The following TEAD4 variants were observed in gnomAD, a reference collection of about 807,000 sequenced individuals.
The protein encoded by TEAD4 is transcriptional enhancer factor TEF-3.
Under a neutral mutation model 52.4 loss-of-function variants are expected in TEAD4, and 36 were observed. The ratio of observed to expected loss-of-function variants is 0.69; its 90% CI spans 0.53 to 0.91. TEAD4 has a LOEUF of 0.91. Ranked by LOEUF, TEAD4 falls within the 40% of genes least tolerant of loss-of-function variation. The pLI is 0.00. For missense variants in TEAD4, 508 were observed against 583.9 expected, an observed-to-expected ratio of 0.87 and a Z score of 1.34; for synonymous variants, 220 against 231.0, an observed-to-expected ratio of 0.95 and a Z score of 0.43.
At chr12:3,018,723 G>A in intron 7 of TEAD4, 135 bp downstream of exon 7, 1 of 1,078,732 alleles carries the variant, frequency 9.3e-7, no homozygotes, top group Non-Finnish European at 1.4e-6. Context: ...ATGGCTCTGA[G>A]CTCAGGGATT....
intron 3 of TEAD4, among the ~76,000 whole-genome samples, chr12:3,008,403 G>T (rs1270951923): frequency 6.6e-6 from 1 of 152,176 alleles, no homozygotes; most frequent in Non-Finnish European, 1.5e-5. Flanking sequence ...AGATCAGAGA[G>T]GTGACTGAAC....
intron 3 of TEAD4, among the ~76,000 whole-genome samples, chr12:3,005,952 T>C (rs1321988677): frequency 1.3e-5 from 2 of 152,192 alleles, no homozygotes; most frequent in African/African-American, 4.8e-5. Context: ...AGGAATGTTT[T>C]TGGAGACCTA....
intron 2 of TEAD4, among the ~76,000 whole-genome samples, chr12:2,971,284 TG>T (rs2098224760): frequency 6.6e-6 from 1 of 151,410 alleles, no homozygotes; most frequent in African/African-American, 2.4e-5. Flanking sequence ...GCTTTGAGAG[TG>T]GGTGGGGTTC....
At position 3,000,771 on chromosome 12, in the gene TEAD4, G is replaced by A. The variant is rs1364496387; in HGVS notation, c.226+5779G>A. On this transcript the variant is annotated intron_variant, in intron 3 of 12. Coordinates refer to ENST00000359864, the MANE Select transcript of TEAD4 (RefSeq NM_003213.4). ...GATCTGGGCAAAGCACTGTTGGTTC[G>A]TCAGACTGTCAGAGGTGAAGGGATT... is the stretch of plus-strand genomic sequence containing the variant. 3.9e-5 allele frequency among the ~76,000 whole-genome samples: 6 copies of A among 152,310 alleles called. No individual in the cohort carries two copies. The East Asian group carries it at 5.8e-4, about 15-fold the overall frequency.
chr12:2,996,449 C>T (rs1293046619), intron 3 of TEAD4, among the ~76,000 whole-genome samples: 2 of 150,412 alleles, frequency 1.3e-5, no homozygotes, highest in African/African-American at 2.5e-5. Flanking sequence ...ACTCTTGTTG[C>T]CCAGGCTAGA....
intron 2 of TEAD4, among the ~76,000 whole-genome samples, chr12:2,972,648 C>T (rs750975391): frequency 1.7e-4 from 26 of 151,090 alleles, no homozygotes; most frequent in Non-Finnish European, 2.5e-4. Flanking sequence ...TACAGGCATG[C>T]GCCACCATAC....
chr12:3,027,496 C>G (rs535619184), intron 10 of TEAD4, among the ~76,000 whole-genome samples: 1 of 152,112 alleles, frequency 6.6e-6, no homozygotes, highest in East Asian at 1.9e-4. Context: ...TTTGGGAGGC[C>G]GAAGCAGACA....
intron 3 of TEAD4, among the ~76,000 whole-genome samples, chr12:3,002,370 G>C (rs1478134185): frequency 6.6e-6 from 1 of 152,142 alleles, no homozygotes; most frequent in Non-Finnish European, 1.5e-5. Context: ...AGTTCTTGTG[G>C]GATTGGAATT....
chr12:3,008,641 G>A (rs939255944), intron 3 of TEAD4, among the ~76,000 whole-genome samples: 4 of 152,120 alleles, frequency 2.6e-5, no homozygotes, highest in African/African-American at 9.7e-5. Context: ...GGTGCACAGT[G>A]GCTGTATGAA....
At chr12:2,976,958 C>G (rs1274768750) in intron 2 of TEAD4, among the ~76,000 whole-genome samples, 1 of 152,174 alleles carries the variant, frequency 6.6e-6, no homozygotes, top group Admixed American at 6.6e-5. Context: ...AATTTACCTC[C>G]CCTCTTGCTA....
At chr12:2,975,403 C>G (rs111688174) in intron 2 of TEAD4, among the ~76,000 whole-genome samples, 1 of 103,464 alleles carries the variant, frequency 9.7e-6, no homozygotes, top group African/African-American at 5.0e-5. Flanking sequence ...ATTATTATTA[C>G]TAGAGATGGA....
intron 10 of TEAD4, among the ~76,000 whole-genome samples, chr12:3,031,701 C>T (rs992636967): frequency 1.3e-5 from 2 of 152,078 alleles, no homozygotes; most frequent in Admixed American, 1.3e-4. Context: ...TCACACGTCT[C>T]ATCCTCACCA....
intron 9 of TEAD4, among the ~76,000 whole-genome samples, chr12:3,021,599 C>G (rs2098268745): frequency 6.6e-6 from 1 of 152,202 alleles, no homozygotes; most frequent in African/African-American, 2.4e-5. Flanking sequence ...GTGTGAGCCG[C>G]CGCACCCGGC....
At chr12:2,961,771 A>G (rs1275490979) in intron 2 of TEAD4, among the ~76,000 whole-genome samples, 4 of 152,156 alleles carry the variant, frequency 2.6e-5, no homozygotes, top group Non-Finnish European at 5.9e-5. Context: ...TTATTTCAGT[A>G]AGAACCCCTT....
rs538385819 is a variant in TEAD4, at chr12:3,040,463, G to A, written c.1290G>A (p.Arg430=). The stretch of plus-strand genomic sequence containing the variant: ...ACGGGGCTCAGCACCACATCTACAG[G>A]CTGGTGAAAGAATGAGAGACTCGGG... The change falls in exon 13 of 13, where the codon AGG becomes AGA. Residue 430 remains arginine, a synonymous_variant. Transcript: ENST00000359864. 22 of 1,614,130 alleles carry A rather than the reference G, an allele frequency of 1.4e-5. No individual in the cohort carries two copies. The African/African-American group carries it at 2.4e-4, about 18-fold the overall frequency.
chr12:2,994,857 C>G lies in TEAD4; in HGVS notation c.91C>G (p.Leu31Val). The change falls in exon 3 of 13, where the codon CTG becomes GTG. Residue 31 changes from leucine (L) to valine (V), a missense_variant. By Grantham distance (32) the Leu-to-Val change is conservative (BLOSUM62 1). Coordinates refer to ENST00000359864, the MANE Select transcript of TEAD4 (RefSeq NM_003213.4). This position sits in a 1 kb window ranked among gnomAD's most constrained non-coding sequence, Gnocchi z 4.7. The stretch of plus-strand genomic sequence containing the variant: ...CACCGCCTCTGGGGGCAGTCAGGCA[C>G]TGGACAAGCCCATCGACAATGACGC... 1 of 1,614,122 alleles carries G rather than the reference C, an allele frequency of 6.2e-7. No individual in the cohort carries two copies. The highest frequency in any genetic ancestry group is 2.2e-5 in the East Asian group (1 of 44,856).
intron 4 of TEAD4, 132 bp from the exon 5 acceptor site, chr12:3,012,038 A>T: frequency 1.2e-6 from 1 of 852,110 alleles, no homozygotes; most frequent in East Asian, 2.7e-5. Flanking sequence ...CCACCAGTTG[A>T]CCCTTTCATT....
chr12:3,021,784 G>T (rs1284439108), intron 9 of TEAD4, 60 bp from the exon 10 acceptor site: 3 of 1,572,954 alleles, frequency 1.9e-6, no homozygotes, highest in African/African-American at 2.7e-5. Flanking sequence ...GCAGAGCCAG[G>T]GTTGTCTGTC....
Position 2,994,864 on chromosome 12 carries a change from A to G in TEAD4, c.98A>G (p.Lys33Arg), listed in dbSNP as rs772283648. The change falls in exon 3 of 13, where the codon AAG (lysine) becomes AGG (arginine). Residue 33 changes from lysine to arginine, a missense_variant. Transcript: ENST00000359864. The surrounding 1 kb of genome is among the most constrained non-coding windows in gnomAD (Gnocchi z 4.7). ...TCTGGGGGCAGTCAGGCACTGGACA[A>G]GCCCATCGACAATGACGCAGAGGGC... 1.9e-6 allele frequency: 3 copies of G among 1,613,992 alleles called. No individual in the cohort carries two copies. The highest frequency in any genetic ancestry group is 2.5e-6 in the Non-Finnish European group (3 of 1,180,024).
Sources: allele counts gnomAD v4.1 joint callset (sites outside exome capture counted in the v4.1 genomes callset), GRCh38; gene constraint gnomAD v4.1.1; non-coding constraint Gnocchi (gnomAD v3.1); transcripts MANE v1.5; gene names NCBI Gene and HGNC (gene_info 2026-07-23, HGNC 2026-07-21).